The following SLC9A9 variants were observed in gnomAD, a reference collection of about 807,000 sequenced individuals.
The protein encoded by SLC9A9 is solute carrier family 9 member A9.
In SLC9A9, 62 loss-of-function variants were observed where a neutral mutation model predicts 77.8. The ratio of observed to expected loss-of-function variants is 0.80; its 90% CI spans 0.65 to 0.98. SLC9A9 has a LOEUF of 0.98. Among genes scored for constraint, SLC9A9 ranks in the 50% least tolerant of loss-of-function variants. The pLI is 0.00. For synonymous variants in SLC9A9, 320 were observed against 283.5 expected (o/e 1.13, Z -1.29); for missense variants, 775 against 774.9 (o/e 1.00, Z 0.00).
chr3:143,588,139 A>G (rs2037578052), intron 6 of SLC9A9, among the ~76,000 whole-genome samples: 1 of 152,180 alleles, frequency 6.6e-6, no homozygotes, highest in Admixed American at 6.5e-5. Context: ...CTGTAGTTGG[A>G]GATGCTTTAA....
chr3:143,366,625 A>ACTT (rs137975602), intron 13 of SLC9A9, among the ~76,000 whole-genome samples: 5,838 of 152,314 alleles, frequency 0.038, 179 homozygotes, highest in East Asian at 0.18. Flanking sequence ...TAATAGCTAT[A>ACTT]CTTGAACACT....
intron 12 of SLC9A9, among the ~76,000 whole-genome samples, chr3:143,409,028 ATCAGAAATACCAGTTTTC>A: frequency 6.6e-6 from 1 of 152,300 alleles, no homozygotes; most frequent in South Asian, 2.1e-4. Flanking sequence ...TAATTCTGGG[ATCAGAAATACCAGTTTTC>A]TCTAGTGATT....
chr3:143,551,857 T>C (rs1417772080), intron 9 of SLC9A9, among the ~76,000 whole-genome samples: 2 of 152,210 alleles, frequency 1.3e-5, no homozygotes, highest in South Asian at 2.1e-4. Flanking sequence ...CAAATGTCTG[T>C]GGAAAGAATC....
At chr3:143,651,344 C>T (rs1373168669) in intron 6 of SLC9A9, among the ~76,000 whole-genome samples, 1 of 152,078 alleles carries the variant, frequency 6.6e-6, no homozygotes, top group Non-Finnish European at 1.5e-5. Flanking sequence ...TTTGGGGCAG[C>T]AGCCTTAAGA....
intron 6 of SLC9A9, among the ~76,000 whole-genome samples, chr3:143,595,834 G>C (rs2037742413): frequency 6.6e-6 from 1 of 152,186 alleles, no homozygotes; most frequent in Non-Finnish European, 1.5e-5. Context: ...ACAGTTGCTT[G>C]GTTAGTTTAA....
At chr3:143,678,219 T>A (rs1222064401) in intron 5 of SLC9A9, among the ~76,000 whole-genome samples, 1 of 152,214 alleles carries the variant, frequency 6.6e-6, no homozygotes, top group Non-Finnish European at 1.5e-5. Flanking sequence ...TAATATTCTG[T>A]CCTTCGTATT....
chr3:143,299,447 A>ATT (rs575643487), intron 14 of SLC9A9, among the ~76,000 whole-genome samples: 50 of 141,530 alleles, frequency 3.5e-4, no homozygotes, highest in African/African-American at 1.2e-3. Context: ...GGACCTACAC[A>ATT]TTTTTTTTTT....
intron 8 of SLC9A9, among the ~76,000 whole-genome samples, chr3:143,555,374 G>A (rs1190643366): frequency 6.6e-6 from 1 of 152,082 alleles, no homozygotes; most frequent in African/African-American, 2.4e-5. Context: ...GAAAATAGAC[G>A]AATACACTGT....
At chr3:143,757,144 G>A (rs751791782) in intron 4 of SLC9A9, among the ~76,000 whole-genome samples, 5 of 152,104 alleles carry the variant, frequency 3.3e-5, no homozygotes, top group Admixed American at 2.0e-4. Context: ...GATCCATAAA[G>A]CCAAACAATT....
At chr3:143,402,998 C>G (rs1244912003) in intron 12 of SLC9A9, among the ~76,000 whole-genome samples, 1 of 149,614 alleles carries the variant, frequency 6.7e-6, no homozygotes, top group Non-Finnish European at 1.5e-5. Flanking sequence ...TTTATAATAA[C>G]TCAATTCCAG....
At chr3:143,370,567 G>GCGCACACACA (rs373398536) in intron 13 of SLC9A9, among the ~76,000 whole-genome samples, 4,563 of 143,376 alleles carry the variant, frequency 0.032, 104 homozygotes, top group Non-Finnish European at 0.038. Flanking sequence ...GCATGTGCGC[G>GCGCACACACA]CACACACACA....
chr3:143,815,641 G>A (rs557751188), intron 2 of SLC9A9, among the ~76,000 whole-genome samples: 6 of 152,162 alleles, frequency 3.9e-5, no homozygotes, highest in South Asian at 2.1e-4. Flanking sequence ...TGAGGTGGAC[G>A]GATCACGAGG....
chr3:143,655,075 T>C (rs1159412333), intron 5 of SLC9A9, among the ~76,000 whole-genome samples: 3 of 152,226 alleles, frequency 2.0e-5, no homozygotes, highest in African/African-American at 7.2e-5. Context: ...AGACAGTGTG[T>C]CCTACAAGAG....
chr3:143,748,518 C>T (rs770241681), intron 4 of SLC9A9, among the ~76,000 whole-genome samples: 8 of 152,124 alleles, frequency 5.3e-5, no homozygotes, highest in Non-Finnish European at 1.0e-4. Flanking sequence ...TGTCTGGCTG[C>T]TGCTCTGACC....
intron 6 of SLC9A9, among the ~76,000 whole-genome samples, chr3:143,646,867 C>T (rs750353380): frequency 1.6e-4 from 24 of 152,022 alleles, no homozygotes; most frequent in Non-Finnish European, 2.6e-4. Context: ...TTTTTGAGTC[C>T]TGAAGATTTA....
chr3:143,665,053 C>A (rs537946046), intron 5 of SLC9A9, among the ~76,000 whole-genome samples: 11 of 152,346 alleles, frequency 7.2e-5, no homozygotes, highest in Non-Finnish European at 1.2e-4. Context: ...CACCACATCA[C>A]ACTTATTCCA....
intron 6 of SLC9A9, among the ~76,000 whole-genome samples, chr3:143,625,094 A>T (rs2108718838): frequency 6.6e-6 from 1 of 152,332 alleles, no homozygotes; most frequent in Middle Eastern, 3.4e-3. Flanking sequence ...ACTACAAACC[A>T]CTGCTCAATG....
chr3:143,772,234 C>A (rs546202708), intron 4 of SLC9A9, among the ~76,000 whole-genome samples: 2 of 152,090 alleles, frequency 1.3e-5, no homozygotes, highest in East Asian at 1.9e-4. Flanking sequence ...TGTGAATCAG[C>A]GTACCCAACT....
intron 4 of SLC9A9, among the ~76,000 whole-genome samples, chr3:143,751,858 T>C (rs1357027317): frequency 6.6e-6 from 1 of 152,108 alleles, no homozygotes; most frequent in Non-Finnish European, 1.5e-5. Context: ...TCAAATGAAA[T>C]AGGCAATGTT....
Sources: gnomAD v4.1 joint callset for allele counts (sites outside exome capture counted in the v4.1 genomes callset) on GRCh38, gnomAD v4.1.1 for gene constraint, MANE v1.5 for transcripts, NCBI Gene and HGNC (gene_info 2026-07-23, HGNC 2026-07-21) for gene names.